Variants in HEATR4 observed in about 807,000 individuals in gnomAD.
HEATR4 encodes HEAT repeat-containing protein 4.
In HEATR4, 95 loss-of-function variants were observed where a neutral mutation model predicts 108.8. The ratio of observed to expected loss-of-function variants is 0.87; its 90% CI spans 0.74 to 1.04. The LOEUF (loss-of-function observed/expected upper bound fraction) is 1.04, where lower values mean the gene tolerates loss of function less well. HEATR4 is among the 50% of genes least tolerant of loss of function. The pLI is 0.00. For synonymous variants in HEATR4, 443 were observed against 459.4 expected, an observed-to-expected ratio of 0.96 and a Z score of 0.46; for missense variants, 1,152 against 1,253.8, an observed-to-expected ratio of 0.92 and a Z score of 1.23.
the HEATR4 span, among the ~76,000 whole-genome samples, chr14:73,580,406 G>A: frequency 1.3e-5 from 2 of 152,076 alleles, no homozygotes; most frequent in Non-Finnish European, 2.9e-5. Context: ...CTCGCCACTT[G>A]TAAAAAGAAG....
chr14:73,590,426 G>A, the HEATR4 span, among the ~76,000 whole-genome samples: 1 of 152,388 alleles, frequency 6.6e-6, no homozygotes, highest in African/African-American at 2.4e-5. Flanking sequence ...CCCAGTGGAT[G>A]CCGCACGGGG....
Position 73,542,953 on chromosome 14 carries a change from A to C in HEATR4, c.-151-12709T>G. Reference sequence around the variant, plus strand: ...TGGGTAAATGGTAGAACCCAGATTCAGACTCAGGTTCAACTAACTTCCAGG... The same window carrying C: ...TGGGTAAATGGTAGAACCCAGATTCCGACTCAGGTTCAACTAACTTCCAGG... On this transcript the variant is annotated intron_variant, in intron 1 of 17. Coordinates refer to ENST00000553558, the MANE Select transcript of HEATR4 (RefSeq NM_001220484.1). 3.4e-6 allele frequency: 4 copies of C among 1,162,862 alleles called. 1 individual carries two copies. In the Admixed American group the frequency reaches 1.1e-4, roughly 31 times the overall value. The allele number at this position is 1,162,862 out of a possible 1,614,324, so 72.0% of individuals were successfully genotyped here.
the HEATR4 span, among the ~76,000 whole-genome samples, chr14:73,570,697 G>T: frequency 6.6e-6 from 1 of 151,862 alleles, no homozygotes; most frequent in Non-Finnish European, 1.5e-5. Flanking sequence ...CTGAGGTCAG[G>T]AGTTCGAGAC....
At position 73,552,970 on chromosome 14, in the gene HEATR4, G is replaced by A. The variant is rs187744596; in HGVS notation, c.-152+5781C>T. 2.8e-3 allele frequency among the ~76,000 whole-genome samples: 321 copies of A among 114,504 alleles called. 76 individuals are homozygous for A. The highest frequency in any genetic ancestry group is 7.5e-3 in the African/African-American group (266 of 35,378). 75.1% of individuals were successfully genotyped at this position (114,504 alleles called of 152,430 possible). ...CCTATCCAGGGTTTCCCCGACCCAA[G>A]CACACACTATTCGGCATTCCTGACT... is the stretch of plus-strand genomic sequence containing the variant. On this transcript the variant is annotated intron_variant, in intron 1 of 17. Transcript: ENST00000553558.
the HEATR4 span, among the ~76,000 whole-genome samples, chr14:73,628,218 T>C: frequency 4.6e-5 from 7 of 152,336 alleles, no homozygotes; most frequent in South Asian, 1.2e-3. Context: ...AGACAACACG[T>C]TGGAGATTCT....
intron 4 of HEATR4, 64 bp downstream of exon 4, chr14:73,520,788 C>T: frequency 6.9e-7 from 1 of 1,450,878 alleles, no homozygotes; most frequent in Non-Finnish European, 9.5e-7. Context: ...CAGCCCCCAG[C>T]AATCTTCCAC....
intron 1 of HEATR4, chr14:73,543,267 T>G (rs1235780006): frequency 6.3e-7 from 1 of 1,590,354 alleles, no homozygotes; most frequent in Non-Finnish European, 8.6e-7. Flanking sequence ...GCAGACATTG[T>G]GGATGTCCTG....
At chr14:73,631,283 A>AT in the HEATR4 span, among the ~76,000 whole-genome samples, 5,478 of 150,854 alleles carry the variant, frequency 0.036, 314 homozygotes, top group African/African-American at 0.12. Context: ...GTAGAAAACA[A>AT]TTTTTTTTTT....
chr14:73,509,452 G>A lies in HEATR4; in HGVS notation c.1580C>T (p.Pro527Leu), dbSNP rs150885411. ...CTCTAGGGCAGGCAGTAGAACCTCC[G>A]GCAAGTCCTGGATGGTCTTGTCTGT... The part of the protein sequence containing the change: ...RDSDKTIQDL[P>L]EVLLPALEAA... The change falls in exon 8 of 18, where the codon CCG becomes CTG. Residue 527 changes from proline (P) to leucine (L), a missense_variant. By Grantham distance (98) the Pro-to-Leu change is moderately conservative. Transcript: ENST00000553558. The A allele has an allele frequency of 1.3e-4, 214 of 1,613,816 alleles. No individual in the cohort carries two copies. The highest frequency in any genetic ancestry group is 3.3e-4 in the Middle Eastern group (2 of 6,000).
At chr14:73,491,535 A>G (rs1350103486) in intron 17 of HEATR4, 1 of 1,529,810 alleles carries the variant, frequency 6.5e-7, no homozygotes, top group Admixed American at 2.0e-5. Flanking sequence ...CCGCAGGTGG[A>G]TAACACGGGT....
Position 73,492,941 on chromosome 14 carries a change from T to G in HEATR4, c.2844+125A>C, listed in dbSNP as rs966105250. On this transcript the variant is annotated intron_variant, in intron 17 of 17. Transcript: ENST00000553558. This position sits in a 1 kb window ranked among gnomAD's most constrained non-coding sequence, Gnocchi z 4.9. ...CACTAAGATGCCTCTAGCCCTAAAT[T>G]AGTTTCTTGTTGATTGCTGGAAACA... 6.2e-7 allele frequency: 1 copy of G among 1,612,000 alleles called. No individual in the cohort carries two copies.
the HEATR4 span, among the ~76,000 whole-genome samples, chr14:73,568,353 A>G: frequency 2.5e-5 from 2 of 78,660 alleles, no homozygotes; most frequent in Admixed American, 3.1e-4. Context: ...TTAAGTGATG[A>G]AAAAAAAAAA....
chr14:73,546,091 C>T (rs1443213719), intron 1 of HEATR4, among the ~76,000 whole-genome samples: 1 of 112,880 alleles, frequency 8.9e-6, no homozygotes, highest in Non-Finnish European at 1.9e-5. Flanking sequence ...ACGTGATTCT[C>T]CTGCCTCAGC....
rs1371211800 is a variant in HEATR4, at chr14:73,483,921, T to G, written c.2845-5079A>C. On this transcript the variant is annotated intron_variant, in intron 17 of 17. Coordinates refer to ENST00000553558, the MANE Select transcript of HEATR4 (RefSeq NM_001220484.1). The stretch of plus-strand genomic sequence containing the variant: ...CAGGCTGTAGTACAGTGGCTCAATC[T>G]CAGGCTCACTGCAACCTCCGCCTCT... Among the ~76,000 whole-genome samples the G allele has an allele frequency of 2.0e-5, 3 of 151,996 alleles. No individual in the cohort carries two copies. The East Asian group carries it at 5.8e-4, about 29-fold the overall frequency.
chr14:73,496,959 C>T (rs1186899660), intron 14 of HEATR4, among the ~76,000 whole-genome samples: 2 of 152,154 alleles, frequency 1.3e-5, no homozygotes, highest in South Asian at 2.1e-4. Flanking sequence ...GGCACGATCT[C>T]GTCTCGGCTC....
At chr14:73,524,310 A>AATATATATATATATATATATATAT (rs58047390) in intron 2 of HEATR4, among the ~76,000 whole-genome samples, 1 of 54,778 alleles carries the variant, frequency 1.8e-5, no homozygotes. Flanking sequence ...AAAAAAAAAA[A>AATATATATATATATATATATATAT]ATATATATAT....
chr14:73,513,686 C>T (rs1017641922), intron 6 of HEATR4, among the ~76,000 whole-genome samples: 3 of 126,894 alleles, frequency 2.4e-5, no homozygotes, highest in Non-Finnish European at 4.7e-5. Flanking sequence ...GAGATCCCAC[C>T]GTTGCACTCC....
the HEATR4 span, among the ~76,000 whole-genome samples, chr14:73,627,833 T>TC: frequency 6.3e-4 from 91 of 145,010 alleles, no homozygotes; most frequent in African/African-American, 2.1e-3. Flanking sequence ...TTTTTTTTTT[T>TC]GAGACGGAAT....
chr14:73,530,794 A>ATTTTTTTT (rs59208614), intron 1 of HEATR4, among the ~76,000 whole-genome samples: 2 of 57,788 alleles, frequency 3.5e-5, no homozygotes, highest in Non-Finnish European at 6.4e-5. Context: ...TCTCGGTTAA[A>ATTTTTTTT]TTTTTTTTTT....
Sources: allele counts gnomAD v4.1 joint callset (sites outside exome capture counted in the v4.1 genomes callset), GRCh38; gene constraint gnomAD v4.1.1; non-coding constraint Gnocchi (gnomAD v3.1); transcripts MANE v1.5; gene names NCBI Gene and HGNC (gene_info 2026-07-23, HGNC 2026-07-21).